ERBB4: variants seen among roughly 807,000 people sequenced by gnomAD.
ERBB4 encodes receptor tyrosine-protein kinase erbB-4.
Under a neutral mutation model 158.0 loss-of-function variants are expected in ERBB4, and 42 were observed. That is an observed-to-expected ratio of 0.27 (90% CI 0.21 to 0.34). ERBB4 has a LOEUF of 0.34. Ranked by LOEUF, ERBB4 falls within the 10% of genes least tolerant of loss-of-function variation. The pLI, the probability that ERBB4 is intolerant of heterozygous loss-of-function variation, is 1.00. For missense variants in ERBB4, 1,333 were observed against 1,624.1 expected, an observed-to-expected ratio of 0.82 and a Z score of 3.08; for synonymous variants, 583 against 558.7, an observed-to-expected ratio of 1.04 and a Z score of -0.61.
chr2:211,606,745 C>T (rs1443876317), intron 19 of ERBB4, among the ~76,000 whole-genome samples: 4 of 151,994 alleles, frequency 2.6e-5, no homozygotes, highest in East Asian at 1.9e-4. Context: ...TTTGAAGCGC[C>T]GTTCTGCAAA....
At chr2:212,448,897 T>C (rs1343819510) in intron 1 of ERBB4, among the ~76,000 whole-genome samples, 1 of 152,174 alleles carries the variant, frequency 6.6e-6, no homozygotes, top group African/African-American at 2.4e-5. Context: ...GTTTTCTATT[T>C]GGACTTTGTA....
chr2:211,580,875 A>G (rs1443444956), intron 19 of ERBB4, among the ~76,000 whole-genome samples: 9 of 1,206 alleles, frequency 7.5e-3, no homozygotes, highest in Admixed American at 0.045. Context: ...ACATATATAT[A>G]TATATATATA....
chr2:211,437,951 G>A (rs1165567925), intron 20 of ERBB4, among the ~76,000 whole-genome samples: 4 of 152,152 alleles, frequency 2.6e-5, no homozygotes, highest in Admixed American at 2.6e-4. Flanking sequence ...AGGAAAGAAA[G>A]GGATCTTTTT....
At chr2:211,841,672 A>C (rs2077473548) in intron 3 of ERBB4, among the ~76,000 whole-genome samples, 1 of 152,008 alleles carries the variant, frequency 6.6e-6, no homozygotes, top group African/African-American at 2.4e-5. Context: ...CAATTAAGGA[A>C]CAATTAGAAT....
intron 9 of ERBB4, among the ~76,000 whole-genome samples, chr2:211,710,428 A>G (rs1326291326): frequency 6.6e-6 from 1 of 152,154 alleles, no homozygotes; most frequent in Non-Finnish European, 1.5e-5. Context: ...TCATATATGC[A>G]TTAAATTATG....
At chr2:212,089,050 GCTA>G (rs2078696643) in intron 2 of ERBB4, among the ~76,000 whole-genome samples, 1 of 152,072 alleles carries the variant, frequency 6.6e-6, no homozygotes, top group African/African-American at 2.4e-5. Context: ...GTTTCCATTT[GCTA>G]CTACTGATCT....
chr2:211,399,920 C>T (rs1366706407), intron 25 of ERBB4, among the ~76,000 whole-genome samples: 2 of 152,118 alleles, frequency 1.3e-5, no homozygotes, highest in African/African-American at 4.8e-5. Flanking sequence ...GTACATATCA[C>T]CTAACTGCAT....
At chr2:211,773,632 A>AT (rs1437489910) in intron 4 of ERBB4, among the ~76,000 whole-genome samples, 16 of 84,214 alleles carry the variant, frequency 1.9e-4, no homozygotes, top group African/African-American at 1.1e-3. Flanking sequence ...ATATATATAT[A>AT]TATATATATA....
At chr2:211,507,099 G>GA (rs2065770781) in intron 20 of ERBB4, among the ~76,000 whole-genome samples, 2 of 152,008 alleles carry the variant, frequency 1.3e-5, no homozygotes, top group Admixed American at 1.3e-4. Context: ...ACACAAACTA[G>GA]AAAATCTAGA....
intron 1 of ERBB4, among the ~76,000 whole-genome samples, chr2:212,137,979 G>A (rs1426824134): frequency 6.6e-6 from 1 of 152,032 alleles, no homozygotes; most frequent in African/African-American, 2.4e-5. Flanking sequence ...AACAATACAT[G>A]GTGCTCTGGG....
chr2:211,850,700 C>T (rs542036148), intron 3 of ERBB4, among the ~76,000 whole-genome samples: 1 of 151,934 alleles, frequency 6.6e-6, no homozygotes, highest in South Asian at 2.1e-4. Flanking sequence ...ATTCATATGG[C>T]TGGTAGGTAT....
chr2:211,908,893 A>T (rs1161753041), intron 3 of ERBB4, among the ~76,000 whole-genome samples: 1 of 151,694 alleles, frequency 6.6e-6, no homozygotes, highest in Non-Finnish European at 1.5e-5. Context: ...ACAAATAAAA[A>T]ATTAATATAT....
Position 212,145,550 on chromosome 2 carries a change from C to T in ERBB4, c.83-20647G>A, listed in dbSNP as rs11896025. Reference sequence around the variant, plus strand: ...GACCTTAAGACTTTTCTACATATTGCTATTCAGACTTCCAGTGATAAAACA... The same window carrying T: ...GACCTTAAGACTTTTCTACATATTGTTATTCAGACTTCCAGTGATAAAACA... On this transcript the variant is annotated intron_variant, in intron 1 of 27. Coordinates refer to ENST00000342788, the MANE Select transcript of ERBB4 (RefSeq NM_005235.3). Among the ~76,000 whole-genome samples the T allele has an allele frequency of 9.7e-3, 1,474 of 152,126 alleles. 17 individuals carry two copies. Among genetic ancestry groups the T allele is most frequent in the African/African-American group, 0.034 (1,394 of 41,506 alleles).
intron 1 of ERBB4, among the ~76,000 whole-genome samples, chr2:212,453,625 G>A (rs1005403641): frequency 5.3e-5 from 8 of 152,122 alleles, no homozygotes; most frequent in African/African-American, 1.7e-4. Flanking sequence ...TATAGCAAAC[G>A]AGGTATGCTT....
intron 3 of ERBB4, among the ~76,000 whole-genome samples, chr2:211,880,008 G>T (rs1230117630): frequency 6.6e-6 from 1 of 150,376 alleles, no homozygotes; most frequent in African/African-American, 2.4e-5. Flanking sequence ...TATAAATAAA[G>T]CATAATTATT....
In ERBB4 at chr2:212,325,573, A is replaced by G. The variant is rs191279208; in HGVS notation, c.83-200670T>C. Among the ~76,000 whole-genome samples the G allele has an allele frequency of 3.3e-5, 5 of 150,960 alleles. No homozygotes were observed. The East Asian group carries it at 9.7e-4, about 29-fold the overall frequency. On this transcript the variant is annotated intron_variant, in intron 1 of 27. Transcript: ENST00000342788. Reference sequence around the variant, plus strand: ...TTAATTAGAAAAAAATAAAACATAAATGCATTCTTGTTTAGTTCGAACTGT... The same window carrying G: ...TTAATTAGAAAAAAATAAAACATAAGTGCATTCTTGTTTAGTTCGAACTGT...
At chr2:212,021,018 AC>A (rs2076637520) in intron 2 of ERBB4, among the ~76,000 whole-genome samples, 1 of 152,144 alleles carries the variant, frequency 6.6e-6, no homozygotes, top group Admixed American at 6.6e-5. Context: ...AGATCCATAT[AC>A]TTTACATTGA....
At chr2:212,171,294 C>A (rs1037869531) in intron 1 of ERBB4, among the ~76,000 whole-genome samples, 1 of 151,600 alleles carries the variant, frequency 6.6e-6, no homozygotes, top group African/African-American at 2.4e-5. Flanking sequence ...AATGCCCATA[C>A]CCCCATTGTA....
intron 1 of ERBB4, among the ~76,000 whole-genome samples, chr2:212,237,533 G>A (rs1423950336): frequency 6.6e-6 from 1 of 152,148 alleles, no homozygotes; most frequent in Non-Finnish European, 1.5e-5. Context: ...TGGGAGATGT[G>A]TCCCAGTCTG....
Sources: gnomAD v4.1 joint callset for allele counts (sites outside exome capture counted in the v4.1 genomes callset) on GRCh38, gnomAD v4.1.1 for gene constraint, MANE v1.5 for transcripts, NCBI Gene and HGNC (gene_info 2026-07-23, HGNC 2026-07-21) for gene names.